The following HIVEP1 variants were observed in gnomAD, a reference collection of about 807,000 sequenced individuals.
HIVEP1 encodes the protein zinc finger protein 40.
HIVEP1 carries 36 observed loss-of-function variants against 180.0 expected under a neutral mutation model. The ratio of observed to expected loss-of-function variants is 0.20; its 90% CI spans 0.15 to 0.26. HIVEP1 has a LOEUF of 0.26. HIVEP1 is among the 10% of genes least tolerant of loss of function. HIVEP1 has a pLI of 1.00. For synonymous variants in HIVEP1, 1,239 were observed against 1,239.0 expected (o/e 1.00, Z 0.00); for missense variants, 3,143 against 3,268.7 (o/e 0.96, Z 0.94).
At chr6:12,132,653 C>A (rs943886658) in intron 6 of HIVEP1, among the ~76,000 whole-genome samples, 1 of 152,134 alleles carries the variant, frequency 6.6e-6, no homozygotes, top group Admixed American at 6.5e-5. Flanking sequence ...TGAGCATTGC[C>A]TGTTAGCACT....
intron 2 of HIVEP1, among the ~76,000 whole-genome samples, chr6:12,076,397 A>C (rs189479978): frequency 6.8e-6 from 1 of 147,102 alleles, no homozygotes; most frequent in African/African-American, 2.4e-5. Context: ...TTAGAGAGAG[A>C]GATGCTGTTT....
chr6:12,040,009 G>T (rs1769565764), intron 2 of HIVEP1, among the ~76,000 whole-genome samples: 1 of 152,214 alleles, frequency 6.6e-6, no homozygotes, highest in Non-Finnish European at 1.5e-5. Flanking sequence ...GGATTCTGAT[G>T]CTGGGCGGTC....
chr6:12,207,579 G>A, the HIVEP1 span, among the ~76,000 whole-genome samples: 21 of 152,108 alleles, frequency 1.4e-4, no homozygotes, highest in African/African-American at 4.3e-4. Flanking sequence ...GGGGCCACCA[G>A]CAGAAGGTCT....
chr6:12,190,987 C>T, the HIVEP1 span, among the ~76,000 whole-genome samples: 1 of 152,092 alleles, frequency 6.6e-6, no homozygotes, highest in South Asian at 2.1e-4. Context: ...CTACTGCTTT[C>T]TAAGCTGAAC....
chr6:12,119,667 G>C (rs755482006), intron 3 of HIVEP1, among the ~76,000 whole-genome samples: 1 of 152,216 alleles, frequency 6.6e-6, no homozygotes, highest in Non-Finnish European at 1.5e-5. Flanking sequence ...TTCTAGAAAT[G>C]CACACTTAGG....
chr6:12,047,923 T>A (rs1217895485), intron 2 of HIVEP1, among the ~76,000 whole-genome samples: 1 of 152,214 alleles, frequency 6.6e-6, no homozygotes, highest in Admixed American at 6.5e-5. Flanking sequence ...TTCAGAGCAG[T>A]ACCCTCCTTG....
At chr6:12,050,787 A>T (rs1308142697) in intron 2 of HIVEP1, among the ~76,000 whole-genome samples, 1 of 151,638 alleles carries the variant, frequency 6.6e-6, no homozygotes, top group East Asian at 1.9e-4. Context: ...CATCCTAAGT[A>T]GGCCTTTCCT....
At chr6:12,043,158 T>C in intron 2 of HIVEP1, among the ~76,000 whole-genome samples, 1 of 152,186 alleles carries the variant, frequency 6.6e-6, no homozygotes, top group East Asian at 1.9e-4. Flanking sequence ...TAAGTTTGCC[T>C]TCACTGTACT....
chr6:12,165,736 G>A (rs563735119), downstream of HIVEP1, among the ~76,000 whole-genome samples: 79 of 152,262 alleles, frequency 5.2e-4, no homozygotes, highest in African/African-American at 1.8e-3. Context: ...ATTTTTAAAG[G>A]CTTGCTTAAC....
intron 2 of HIVEP1, among the ~76,000 whole-genome samples, chr6:12,071,505 T>C (rs1294901243): frequency 6.6e-6 from 1 of 152,228 alleles, no homozygotes; most frequent in Non-Finnish European, 1.5e-5. Context: ...CAAAGAAGTG[T>C]TTCCTGTCAA....
Position 12,037,952 on chromosome 6 carries a change from T to G in HIVEP1, c.40+22284T>G, listed in dbSNP as rs570957582. The G allele has an allele frequency of 7.7e-6, 3 of 387,926 alleles. No individual in the cohort carries two copies. In the South Asian group the frequency reaches 4.3e-4, roughly 56 times the overall value. 24.0% of individuals were successfully genotyped at this position (387,926 alleles called of 1,614,324 possible). A position where few individuals can be genotyped will look rare whatever the true frequency, so the allele number is the denominator to read the frequency against. On this transcript the variant is annotated intron_variant, in intron 2 of 8. Coordinates refer to ENST00000379388, the MANE Select transcript of HIVEP1 (RefSeq NM_002114.4). ...CTGGTCTTGAACTCCCAGCCTCAAG[T>G]GAACCTCCTGTGTTGGCCCCCCAAA...
In HIVEP1 at chr6:12,125,226, G is replaced by A; in HGVS notation, c.5431G>A (p.Val1811Met). The change falls in exon 4 of 9, where the codon GTG becomes ATG. Residue 1811 changes from valine (V) to methionine (M), a missense_variant. Coordinates refer to ENST00000379388, the MANE Select transcript of HIVEP1 (RefSeq NM_002114.4). ...QVCTTEPLDG[V>M]MLEKDVFSQP... ...TTGTACTACAGAGCCCCTGGACGGT[G>A]TGATGTTGGAAAAGGATGTTTTTTC... 6.2e-7 allele frequency: 1 copy of A among 1,614,176 alleles called. No homozygotes were observed. Among genetic ancestry groups the A allele is most frequent in the Non-Finnish European group, 8.5e-7 (1 of 1,180,026 alleles).
At chr6:12,069,790 C>A (rs1030888390) in intron 2 of HIVEP1, among the ~76,000 whole-genome samples, 1 of 151,740 alleles carries the variant, frequency 6.6e-6, no homozygotes, top group African/African-American at 2.4e-5. Context: ...CTTACTGTAA[C>A]TTTATAACCT....
At chr6:12,064,272 A>T (rs191940364) in intron 2 of HIVEP1, among the ~76,000 whole-genome samples, 224 of 152,276 alleles carry the variant, frequency 1.5e-3, no homozygotes, top group African/African-American at 5.2e-3. Flanking sequence ...GTAAATGGTA[A>T]TGACTAAAGT....
chr6:12,027,949 G>A (rs1186244908), intron 2 of HIVEP1, among the ~76,000 whole-genome samples: 3 of 152,138 alleles, frequency 2.0e-5, no homozygotes, highest in African/African-American at 7.2e-5. Context: ...TCGTGTTATG[G>A]TTTTGTTTTA....
At chr6:12,115,350 C>CTTTTTT (rs34074662) in intron 3 of HIVEP1, among the ~76,000 whole-genome samples, 1,134 of 75,288 alleles carry the variant, frequency 0.015, 103 homozygotes, top group African/African-American at 0.049. Context: ...CCCAACTATT[C>CTTTTTT]TTTTTTTTTT....
rs371325719 is a variant in HIVEP1, at chr6:12,122,696, G to A, written c.2901G>A (p.Arg967=). The part of the protein sequence containing the change: ...TMFECETCRN[R]YRKLENFENH... ...TTGAGTGTGAAACTTGTAGAAACAG[G>A]TATAGGAAACTGGAAAATTTTGAAA... The change falls in exon 4 of 9, where the codon AGG becomes AGA. Residue 967 remains arginine (R), a synonymous_variant. Coordinates refer to ENST00000379388, the MANE Select transcript of HIVEP1 (RefSeq NM_002114.4). The A allele has an allele frequency of 1.9e-6, 3 of 1,613,930 alleles. No individual in the cohort carries two copies. Among genetic ancestry groups the A allele is most frequent in the African/African-American group, 2.7e-5 (2 of 74,902 alleles).
intron 2 of HIVEP1, among the ~76,000 whole-genome samples, chr6:12,019,423 T>C (rs1404318060): frequency 6.6e-5 from 10 of 152,166 alleles, no homozygotes; most frequent in Admixed American, 6.5e-4. Flanking sequence ...TGTGACAGTT[T>C]GGAATATCAG....
the HIVEP1 span, among the ~76,000 whole-genome samples, chr6:12,187,680 A>C: frequency 0.029 from 4,277 of 149,952 alleles, 196 homozygotes; most frequent in African/African-American, 0.099. Context: ...GCAACCTCTG[A>C]CTCCAGGATT....
Sources: allele counts gnomAD v4.1 joint callset (sites outside exome capture counted in the v4.1 genomes callset), GRCh38; gene constraint gnomAD v4.1.1; transcripts MANE v1.5; gene names NCBI Gene and HGNC (gene_info 2026-07-23, HGNC 2026-07-21).